The following CPA6 variants were observed in gnomAD, a reference collection of about 807,000 sequenced individuals.
CPA6 encodes carboxypeptidase A6.
In CPA6, 58 loss-of-function variants were observed where a neutral mutation model predicts 63.3. The observed-to-expected ratio is 0.92, with a 90% CI of 0.74 to 1.14. CPA6 has a LOEUF of 1.14. Ranked by LOEUF, CPA6 falls within the 50% of genes most tolerant of loss-of-function variation. The pLI is 0.00. For missense variants in CPA6, 565 were observed against 526.6 expected, an observed-to-expected ratio of 1.07 and a Z score of -0.71; for synonymous variants, 185 against 179.0, an observed-to-expected ratio of 1.03 and a Z score of -0.27.
intron 1 of CPA6, among the ~76,000 whole-genome samples, chr8:67,714,653 C>T (rs185848669): frequency 3.0e-4 from 45 of 152,162 alleles, no homozygotes; most frequent in African/African-American, 9.2e-4. Flanking sequence ...CCAGCCTGGG[C>T]GACAGAGTAA....
intron 1 of CPA6, among the ~76,000 whole-genome samples, chr8:67,729,085 T>A (rs1161248786): frequency 1.3e-5 from 2 of 152,218 alleles, no homozygotes; most frequent in East Asian, 1.9e-4. Context: ...AACTTGCTCC[T>A]GAAAGCATGG....
chr8:67,697,250 C>T (rs1254934952), intron 1 of CPA6, among the ~76,000 whole-genome samples: 1 of 152,208 alleles, frequency 6.6e-6, no homozygotes, highest in Non-Finnish European at 1.5e-5. Flanking sequence ...CCACTGGGGG[C>T]TGCTGCTCTC....
In CPA6 at chr8:67,634,258, C is replaced by T. The variant is rs554546796; in HGVS notation, c.117-10007G>A. On this transcript the variant is annotated intron_variant, in intron 1 of 10. Coordinates refer to ENST00000297770, the MANE Select transcript of CPA6 (RefSeq NM_020361.5). ...TTTTTGAGACGGAGTCTCGCTCTGTCGCCCAGGCTGGAGTGCAGTGGCACT... is the reference window on the plus strand; with the variant it reads ...TTTTTGAGACGGAGTCTCGCTCTGTTGCCCAGGCTGGAGTGCAGTGGCACT... Among the ~76,000 whole-genome samples, 3 of 147,540 alleles carry T rather than the reference C, an allele frequency of 2.0e-5. No individual in the cohort carries two copies. In the South Asian group the frequency reaches 6.3e-4, roughly 31 times the overall value.
intron 8 of CPA6, among the ~76,000 whole-genome samples, chr8:67,441,659 A>G (rs772347686): frequency 1.3e-5 from 2 of 152,210 alleles, no homozygotes; most frequent in Non-Finnish European, 2.9e-5. Flanking sequence ...CAGAATCACC[A>G]AGAAAATTAT....
At chr8:67,649,641 T>A (rs1020628872) in intron 1 of CPA6, among the ~76,000 whole-genome samples, 1 of 152,290 alleles carries the variant, frequency 6.6e-6, no homozygotes, top group Non-Finnish European at 1.5e-5. Context: ...TGAATTTTTT[T>A]AAGGGTCACT....
chr8:67,483,716 G>T, intron 8 of CPA6, 52 bp downstream of exon 8: 1 of 1,477,132 alleles, frequency 6.8e-7, no homozygotes, highest in Non-Finnish European at 9.5e-7. Context: ...ATTTTGCAGA[G>T]TAAAACCTGC....
At chr8:67,536,022 T>C (rs1306426146) in intron 2 of CPA6, among the ~76,000 whole-genome samples, 1 of 152,120 alleles carries the variant, frequency 6.6e-6, no homozygotes, top group Admixed American at 6.5e-5. Context: ...TGTAGATGTG[T>C]GGTGTTATTT....
At chr8:67,622,919 A>G (rs1233470958) in intron 2 of CPA6, among the ~76,000 whole-genome samples, 2 of 152,218 alleles carry the variant, frequency 1.3e-5, no homozygotes, top group African/African-American at 2.4e-5. Context: ...GAAAAGAACC[A>G]ATCACACCAC....
At position 67,428,610 on chromosome 8, in the gene CPA6, A is replaced by C. The variant is rs1809949575; in HGVS notation, c.1042-479T>G. 2.6e-5 allele frequency among the ~76,000 whole-genome samples: 4 copies of C among 152,234 alleles called. No individual in the cohort carries two copies. In the South Asian group the frequency reaches 8.3e-4, roughly 32 times the overall value. On this transcript the variant is annotated intron_variant, in intron 9 of 10. Coordinates refer to ENST00000297770, the MANE Select transcript of CPA6 (RefSeq NM_020361.5). Reference sequence around the variant, plus strand: ...GCGATTCCCCTGCCTCAGCCTCCTGAGTAGCTGGGACTACAAGCGCGTGCC... The same window carrying C: ...GCGATTCCCCTGCCTCAGCCTCCTGCGTAGCTGGGACTACAAGCGCGTGCC...
intron 3 of CPA6, among the ~76,000 whole-genome samples, chr8:67,516,432 G>A (rs1484356027): frequency 6.6e-6 from 1 of 152,008 alleles, no homozygotes; most frequent in Non-Finnish European, 1.5e-5. Context: ...TCTTCCCTCA[G>A]CCTACAAATA....
chr8:67,639,457 G>A (rs1815540680), intron 1 of CPA6, among the ~76,000 whole-genome samples: 1 of 151,690 alleles, frequency 6.6e-6, no homozygotes, highest in Non-Finnish European at 1.5e-5. Context: ...CACAGACTGT[G>A]CTGGGCCAGG....
intron 6 of CPA6, among the ~76,000 whole-genome samples, chr8:67,494,174 T>A (rs1811662394): frequency 6.6e-6 from 1 of 152,058 alleles, no homozygotes; most frequent in South Asian, 2.1e-4. Flanking sequence ...AGACACAGAT[T>A]TTGCAAAATT....
intron 1 of CPA6, among the ~76,000 whole-genome samples, chr8:67,737,112 A>T (rs908827769): frequency 6.6e-6 from 1 of 152,218 alleles, no homozygotes; most frequent in African/African-American, 2.4e-5. Context: ...CCCTGCTTAA[A>T]GTTGTTCATG....
chr8:67,607,151 CTCCTCTTCTTCTTCT>C (rs1358670992), intron 2 of CPA6, among the ~76,000 whole-genome samples: 7 of 107,146 alleles, frequency 6.5e-5, no homozygotes, highest in East Asian at 3.0e-4. Context: ...CCTCCCCCCC[CTCCTCTTCTTCTTCT>C]TCCTCTTCTT....
intron 5 of CPA6, 73 bp downstream of exon 5, chr8:67,509,444 C>G: frequency 1.4e-6 from 1 of 694,244 alleles, no homozygotes; most frequent in Non-Finnish European, 2.5e-6. Context: ...ATTTCTTTTC[C>G]CATAGGTTAA....
intron 1 of CPA6, among the ~76,000 whole-genome samples, chr8:67,649,099 G>A (rs1815779163): frequency 6.6e-6 from 1 of 151,868 alleles, no homozygotes. Context: ...GCAGTGCAAG[G>A]CATTGGATTT....
chr8:67,428,083 C>G lies in CPA6; in HGVS notation c.1090G>C (p.Val364Leu), dbSNP rs754011349. The G allele has an allele frequency of 1.2e-6, 2 of 1,613,156 alleles. No individual in the cohort carries two copies. The highest frequency in any genetic ancestry group is 2.7e-5 in the African/African-American group (2 of 74,876). The change falls in exon 10 of 11, where the codon GTA becomes CTA. Residue 364 changes from valine (V) to leucine (L), a missense_variant. Physicochemically the swap from Val to Leu is conservative, Grantham distance 32. Coordinates refer to ENST00000297770, the MANE Select transcript of CPA6 (RefSeq NM_020361.5). ...GAGGCTGGTCCATATCTGTATCGTACCCCGTATACTGACTGAAGTGCATTC... is the reference window on the plus strand; with the variant it reads ...GAGGCTGGTCCATATCTGTATCGTAGCCCGTATACTGACTGAAGTGCATTC... ...AVNALQSVYG[V>L]RYRYGPASTT...
chr8:67,612,414 A>T (rs976565831), intron 2 of CPA6, among the ~76,000 whole-genome samples: 3 of 151,902 alleles, frequency 2.0e-5, no homozygotes, highest in African/African-American at 4.8e-5. Flanking sequence ...TTGTGATGCA[A>T]CTCCCAAAGA....
Position 67,428,113 on chromosome 8 carries a change from C to G in CPA6, c.1060G>C (p.Ala354Pro), listed in dbSNP as rs749222359. The change falls in exon 10 of 11, where the codon GCT becomes CCT. Residue 354 changes from alanine (A) to proline (P), a missense_variant. By Grantham distance (27) the Ala-to-Pro change is conservative (BLOSUM62 -1). Coordinates refer to ENST00000297770, the MANE Select transcript of CPA6 (RefSeq NM_020361.5). ...TATACTGACTGAAGTGCATTCACAG[C>G]TTTATAAGCTGCAGATTCCTATGAG... ...FRCVESAAYK[A>P]VNALQSVYGV... 1.9e-6 allele frequency: 3 copies of G among 1,611,512 alleles called. No individual in the cohort carries two copies. Among genetic ancestry groups the G allele is most frequent in the South Asian group, 2.2e-5 (2 of 90,928 alleles).
Sources: gnomAD v4.1 joint callset for allele counts (sites outside exome capture counted in the v4.1 genomes callset) on GRCh38, gnomAD v4.1.1 for gene constraint, MANE v1.5 for transcripts, NCBI Gene and HGNC (gene_info 2026-07-23, HGNC 2026-07-21) for gene names.